SHMT1: variants seen among roughly 807,000 people sequenced by gnomAD.
SHMT1 encodes the protein serine hydroxymethyltransferase, cytosolic.
SHMT1 carries 45 observed loss-of-function variants against 49.0 expected under a neutral mutation model. The ratio of observed to expected loss-of-function variants is 0.92; its 90% CI spans 0.72 to 1.18. The LOEUF is 1.18. Among genes scored for constraint, SHMT1 ranks in the 50% most tolerant of loss-of-function variants. The pLI is 0.00. For synonymous variants in SHMT1, 232 were observed against 246.6 expected (o/e 0.94, Z 0.55); for missense variants, 541 against 612.4 (o/e 0.88, Z 1.23).
At chr17:18,348,775 G>A (rs1487207412) in intron 3 of SHMT1, 35 of 519,772 alleles carry the variant, frequency 6.7e-5, no homozygotes, top group Non-Finnish European at 1.2e-4. Flanking sequence ...AGGAGTTCGA[G>A]ACCAGCCTGG....
intron 1 of SHMT1, among the ~76,000 whole-genome samples, chr17:18,358,328 A>G (rs1039410341): frequency 6.6e-6 from 1 of 151,228 alleles, no homozygotes; most frequent in Non-Finnish European, 1.5e-5. Context: ...CATCTCTACT[A>G]AAAATACAAA....
chr17:18,353,043 A>C (rs1421981063), intron 3 of SHMT1, among the ~76,000 whole-genome samples: 1 of 152,208 alleles, frequency 6.6e-6, no homozygotes, highest in African/African-American at 2.4e-5. Context: ...GGGGCATCTC[A>C]GGACAGAATG....
intron 1 of SHMT1, among the ~76,000 whole-genome samples, chr17:18,358,068 C>T (rs1212395359): frequency 7.1e-6 from 1 of 139,970 alleles, no homozygotes; most frequent in East Asian, 2.4e-4. Flanking sequence ...GGGGTTTCAC[C>T]GGTTAGCCAG....
chr17:18,358,840 T>C (rs1342610988), intron 1 of SHMT1, among the ~76,000 whole-genome samples: 1 of 152,040 alleles, frequency 6.6e-6, no homozygotes, highest in Admixed American at 6.6e-5. Flanking sequence ...AAGCTAGAGG[T>C]TGCAATGAGC....
chr17:18,342,598 G>A lies in SHMT1; in HGVS notation c.520-1785C>T, dbSNP rs182137474. On this transcript the variant is annotated intron_variant, in intron 5 of 11. Coordinates refer to ENST00000316694, the MANE Select transcript of SHMT1 (RefSeq NM_004169.5). Reference sequence around the variant, plus strand: ...CAAAGTGCTGAGATTATAGGTGTGAGCCACCGCACCTGGCCATGTGATCTT... The same window carrying A: ...CAAAGTGCTGAGATTATAGGTGTGAACCACCGCACCTGGCCATGTGATCTT... Among the ~76,000 whole-genome samples the A allele has an allele frequency of 2.2e-3, 329 of 152,166 alleles. 1 individual carries two copies. The highest frequency in any genetic ancestry group is 2.7e-3 in the Non-Finnish European group (185 of 68,008).
At chr17:18,353,344 T>C (rs915612276) in intron 3 of SHMT1, among the ~76,000 whole-genome samples, 6 of 152,152 alleles carry the variant, frequency 3.9e-5, no homozygotes, top group Non-Finnish European at 7.4e-5. Flanking sequence ...ACGGCCACCT[T>C]CTGCAGCATC....
chr17:18,342,132 G>A (rs534391500), intron 5 of SHMT1, among the ~76,000 whole-genome samples: 5 of 152,188 alleles, frequency 3.3e-5, no homozygotes, highest in South Asian at 2.1e-4. Flanking sequence ...CAATAGCCAA[G>A]TTATGGAATA....
chr17:18,347,526 C>T lies in SHMT1; in HGVS notation c.489G>A (p.Thr163=), dbSNP rs1163396259. Residue 163 remains threonine, a synonymous_variant, in exon 5 of 12, where the codon ACG becomes ACA. Transcript: ENST00000316694. ...FMTDKKKISA[T]SIFFESMPYK... ...AGGGCATAGATTCAAAGAAGATGGA[C>T]GTGGCAGAGATTTTCTTCTTGTCTG... 21 of 1,614,168 alleles carry T rather than the reference C, an allele frequency of 1.3e-5. No individual in the cohort carries two copies. Among genetic ancestry groups the T allele is most frequent in the East Asian group, 4.5e-5 (2 of 44,890 alleles).
Position 18,328,225 on chromosome 17 carries a change from T to G in SHMT1, c.*525A>C, listed in dbSNP as rs1982773241. 1 of 169,210 alleles carries G rather than the reference T, an allele frequency of 5.9e-6. No homozygotes were observed. Among genetic ancestry groups the G allele is most frequent in the Non-Finnish European group, 1.3e-5 (1 of 77,096 alleles). 10.5% of individuals were successfully genotyped at this position (169,210 alleles called of 1,614,324 possible). ...AGCAAAACCCTCCCACCATACTGGG[T>G]GCATCTTGTTTACTCTTGACTAACA... On this transcript the variant is annotated 3_prime_UTR_variant, in exon 12 of 12. Transcript: ENST00000316694.
At chr17:18,343,439 C>T (rs762121616) in intron 5 of SHMT1, among the ~76,000 whole-genome samples, 6 of 150,396 alleles carry the variant, frequency 4.0e-5, no homozygotes, top group Admixed American at 6.6e-5. Flanking sequence ...TGAAACCCCA[C>T]CTCTACTAAA....
At chr17:18,341,792 G>A (rs1984554061) in intron 5 of SHMT1, 1 of 152,018 alleles carries the variant, frequency 6.6e-6, no homozygotes, top group Non-Finnish European at 1.5e-5. Flanking sequence ...GTCACAAAAT[G>A]CTTGACAAAT....
rs536406727 is a variant in SHMT1 at position 18,345,718 on chromosome 17, T to C, written c.519+1778A>G. On this transcript the variant is annotated intron_variant, in intron 5 of 11. Coordinates refer to ENST00000316694, the MANE Select transcript of SHMT1 (RefSeq NM_004169.5). The stretch of plus-strand genomic sequence containing the variant: ...TTTTTGAGATGGAGTTTCACTCTTG[T>C]CGCCCACTCTGGAGTGCAATGGAGC... Among the ~76,000 whole-genome samples the C allele has an allele frequency of 9.2e-5, 14 of 151,650 alleles. No homozygotes were observed. The South Asian group carries it at 2.9e-3, about 32-fold the overall frequency.
At chr17:18,334,347 C>A (rs1983563959) in intron 8 of SHMT1, among the ~76,000 whole-genome samples, 1 of 152,194 alleles carries the variant, frequency 6.6e-6, no homozygotes, top group Admixed American at 6.5e-5. Flanking sequence ...CCTCAGCCTC[C>A]CAAAGTGCTG....
chr17:18,353,517 A>G, intron 3 of SHMT1, 155 bp downstream of exon 3: 1 of 825,166 alleles, frequency 1.2e-6, no homozygotes, highest in Non-Finnish European at 2.1e-6. Context: ...ACATGCTGGG[A>G]ATAAAAGAGT....
rs200010833 is a variant in SHMT1, at chr17:18,340,031, T to C, written c.814+12A>G. ...CATGGTACCCATCTGTACCCAACATTCGGGAGCTCACCTTTCCTGTAGAAG... is the reference window on the plus strand; with the variant it reads ...CATGGTACCCATCTGTACCCAACATCCGGGAGCTCACCTTTCCTGTAGAAG... On this transcript the variant is annotated intron_variant, in intron 7 of 11. Coordinates refer to ENST00000316694, the MANE Select transcript of SHMT1 (RefSeq NM_004169.5). The surrounding 1 kb of genome is among the most constrained non-coding windows in gnomAD (Gnocchi z 4.5). 3.1e-6 allele frequency: 5 copies of C among 1,611,806 alleles called. No homozygotes were observed. The highest frequency in any genetic ancestry group is 2.5e-6 in the Non-Finnish European group (3 of 1,179,660).
chr17:18,333,451 A>T (rs567903711), intron 8 of SHMT1, 163 bp from the exon 9 acceptor site: 46 of 363,076 alleles, frequency 1.3e-4, no homozygotes, highest in East Asian at 2.8e-4. Context: ...ATTTTTAAAA[A>T]TTTTTTATTA....
Position 18,341,101 on chromosome 17 carries a change from G to A in SHMT1, c.520-288C>T, listed in dbSNP as rs1027753332. The A allele has an allele frequency of 4.3e-5, 20 of 469,282 alleles. No homozygotes were observed. The Admixed American group carries it at 4.5e-4, about 11-fold the overall frequency. The allele number at this position is 469,282 out of a possible 1,614,324, so 29.1% of individuals were successfully genotyped here. On this transcript the variant is annotated intron_variant, in intron 5 of 11. Transcript: ENST00000316694. ...ACCTGCAGAATGAAACAAATGTGAC[G>A]GGACCACACAATGGAAACCAAAATG...
At chr17:18,333,462 T>C (rs550102497) in intron 8 of SHMT1, 174 bp from the exon 9 acceptor site, 1 of 286,944 alleles carries the variant, frequency 3.5e-6, no homozygotes, top group East Asian at 8.0e-5. Flanking sequence ...TTTTTTATTA[T>C]TTATTATTTT....
chr17:18,338,819 T>G (rs1022180059), intron 7 of SHMT1, among the ~76,000 whole-genome samples: 1 of 152,056 alleles, frequency 6.6e-6, no homozygotes, highest in Admixed American at 6.6e-5. Context: ...GTGCAAGATG[T>G]GCTTTGTTAA....
Sources: gnomAD v4.1 joint callset for allele counts (sites outside exome capture counted in the v4.1 genomes callset) on GRCh38, gnomAD v4.1.1 for gene constraint, Gnocchi (gnomAD v3.1) non-coding constraint, MANE v1.5 for transcripts, NCBI Gene and HGNC (gene_info 2026-07-23, HGNC 2026-07-21) for gene names.